Variants in RFX3 observed in about 807,000 individuals in gnomAD.
RFX3 encodes regulatory factor X3.
RFX3 carries 14 observed loss-of-function variants against 98.6 expected under a neutral mutation model. The observed-to-expected ratio is 0.14, with a 90% CI of 0.09 to 0.22. The LOEUF is 0.22. RFX3 is among the 10% of genes least tolerant of loss of function. The probability of loss-of-function intolerance (pLI) is 1.00; values close to 1 mark genes in which losing one functional copy is unlikely to be tolerated. For missense variants in RFX3, 639 were observed against 926.9 expected (o/e 0.69, Z 4.03); for synonymous variants, 383 against 328.4 (o/e 1.17, Z -1.80).
intron 3 of RFX3, among the ~76,000 whole-genome samples, chr9:3,340,411 A>T (rs1833739380): frequency 6.6e-6 from 1 of 152,228 alleles, no homozygotes; most frequent in African/African-American, 2.4e-5. Context: ...ATGGGATCTA[A>T]TAAAACCAAA....
chr9:3,319,234 A>G (rs1176920666), intron 4 of RFX3, among the ~76,000 whole-genome samples: 1 of 151,910 alleles, frequency 6.6e-6, no homozygotes, highest in East Asian at 1.9e-4. Context: ...TGGAAATGCA[A>G]GGGGCCCTTG....
chr9:3,451,916 AT>A (rs1331024007), intron 1 of RFX3, among the ~76,000 whole-genome samples: 2 of 151,760 alleles, frequency 1.3e-5, no homozygotes, highest in Non-Finnish European at 2.9e-5. Flanking sequence ...CCCTTAGTCA[AT>A]TTTGGAATTG....
At chr9:3,485,816 G>A (rs191466272) in intron 1 of RFX3, among the ~76,000 whole-genome samples, 2 of 152,104 alleles carry the variant, frequency 1.3e-5, no homozygotes, top group East Asian at 1.9e-4. Flanking sequence ...TTTAAACCTG[G>A]TAAAGACTTT....
At chr9:3,318,666 T>G (rs1006521242) in intron 4 of RFX3, among the ~76,000 whole-genome samples, 2 of 152,042 alleles carry the variant, frequency 1.3e-5, no homozygotes, top group African/African-American at 4.8e-5. Context: ...TTCAAATACA[T>G]GAAATCTTTT....
intron 15 of RFX3, among the ~76,000 whole-genome samples, chr9:3,238,555 G>A (rs1819490694): frequency 2.0e-5 from 3 of 152,106 alleles, no homozygotes; most frequent in Non-Finnish European, 2.9e-5. Context: ...GAAGAAATAG[G>A]CCCTTTAAAG....
chr9:3,226,574 G>C (rs1817799330), intron 16 of RFX3, among the ~76,000 whole-genome samples: 1 of 152,184 alleles, frequency 6.6e-6, no homozygotes. Flanking sequence ...AGTGCTCTTA[G>C]ATGAGGCAAA....
chr9:3,328,291 T>G (rs1367109774), intron 4 of RFX3, among the ~76,000 whole-genome samples: 2 of 152,216 alleles, frequency 1.3e-5, no homozygotes, highest in African/African-American at 4.8e-5. Flanking sequence ...ATCTCTTTTC[T>G]TTTTATGTTG....
chr9:3,315,115 T>A (rs906928499), intron 4 of RFX3, among the ~76,000 whole-genome samples: 1 of 152,142 alleles, frequency 6.6e-6, no homozygotes, highest in Non-Finnish European at 1.5e-5. Flanking sequence ...ATTGACCACA[T>A]AGTTGGAAGT....
chr9:3,486,341 C>T (rs1025668636), intron 1 of RFX3, among the ~76,000 whole-genome samples: 1 of 152,040 alleles, frequency 6.6e-6, no homozygotes, highest in African/African-American at 2.4e-5. Flanking sequence ...AGTTACGGCT[C>T]TCTTTAACAT....
At chr9:3,316,328 C>T (rs1340875779) in intron 4 of RFX3, among the ~76,000 whole-genome samples, 1 of 152,050 alleles carries the variant, frequency 6.6e-6, no homozygotes, top group African/African-American at 2.4e-5. Flanking sequence ...TTCAATGGCC[C>T]TTCATGCTAA....
chr9:3,356,072 A>ATG (rs1462827716), intron 2 of RFX3, among the ~76,000 whole-genome samples: 1 of 104,476 alleles, frequency 9.6e-6, no homozygotes, highest in African/African-American at 9.0e-5. Context: ...AAATATATAT[A>ATG]TTAGGGGGAA....
chr9:3,428,487 T>C (rs1844329446), intron 1 of RFX3, among the ~76,000 whole-genome samples: 1 of 152,232 alleles, frequency 6.6e-6, no homozygotes, highest in Non-Finnish European at 1.5e-5. Flanking sequence ...TTTCTTCCCA[T>C]ACTTTTCCTT....
At chr9:3,297,895 A>C (rs1366009869) in intron 5 of RFX3, among the ~76,000 whole-genome samples, 1 of 151,954 alleles carries the variant, frequency 6.6e-6, no homozygotes, top group Non-Finnish European at 1.5e-5. Context: ...TCTGAATTCA[A>C]ATTTACAATG....
At chr9:3,489,534 ATACT>A (rs1850568931) in intron 1 of RFX3, 2 of 362,462 alleles carry the variant, frequency 5.5e-6, no homozygotes, top group Non-Finnish European at 7.7e-6. Context: ...ACTCTACCAA[ATACT>A]TAATATCTAC....
intron 1 of RFX3, among the ~76,000 whole-genome samples, chr9:3,508,188 C>A (rs1817297402): frequency 6.6e-6 from 1 of 151,868 alleles, no homozygotes; most frequent in African/African-American, 2.4e-5. Context: ...GACATTAAGA[C>A]CACGTTCCAT....
rs1843707531 is a variant in RFX3 at position 3,423,977 on chromosome 9, C to T, written c.-8-28381G>A. ...CCCGGCTAACATGGTGAAACCCCGT[C>T]TGTACTAAAAATACAAAAAATTAGC... On this transcript the variant is annotated intron_variant, in intron 1 of 16. Transcript: ENST00000617270. 3.3e-5 allele frequency among the ~76,000 whole-genome samples: 5 copies of T among 151,630 alleles called. No individual in the cohort carries two copies. In the South Asian group the frequency reaches 1.0e-3, roughly 32 times the overall value.
In RFX3 at chr9:3,228,883, C is replaced by T. The variant is rs1231477212; in HGVS notation, c.1975G>A (p.Asp659Asn). Reference sequence around the variant, plus strand: ...TTTCCAGGAGACACGGCATTTAAATCACCAAACTGCAAAACAATAGTCATT... The same window carrying T: ...TTTCCAGGAGACACGGCATTTAAATTACCAAACTGCAAAACAATAGTCATT... ...TPIAVMGEFGDLNAVSPGNLD... is the reference protein window; with the variant it reads ...TPIAVMGEFGNLNAVSPGNLD... Residue 659 changes from aspartate (D) to asparagine (N), a missense_variant, in exon 16 of 17, where the codon GAT becomes AAT. By Grantham distance (23) the Asp-to-Asn change is conservative. This residue lies in a region of RFX3 where 129 missense variants were observed against 124.6 expected (regional missense o/e 1.04). Transcript: ENST00000617270. 1.2e-6 allele frequency: 2 copies of T among 1,610,766 alleles called. No homozygotes were observed. The highest frequency in any genetic ancestry group is 1.7e-5 in the Admixed American group (1 of 59,306).
At chr9:3,432,375 A>G (rs1244486093) in intron 1 of RFX3, among the ~76,000 whole-genome samples, 1 of 152,146 alleles carries the variant, frequency 6.6e-6, no homozygotes, top group Admixed American at 6.5e-5. Context: ...GATACTATGG[A>G]AGAGAACCCC....
chr9:3,453,047 C>G (rs994594655), intron 1 of RFX3, among the ~76,000 whole-genome samples: 1 of 152,122 alleles, frequency 6.6e-6, no homozygotes, highest in Non-Finnish European at 1.5e-5. Flanking sequence ...GCTTCTTCAT[C>G]TGCAAAACTG....
Sources: allele counts gnomAD v4.1 joint callset (sites outside exome capture counted in the v4.1 genomes callset), GRCh38; gene constraint gnomAD v4.1.1; regional missense constraint gnomAD v4.1.1; transcripts MANE v1.5; gene names NCBI Gene and HGNC (gene_info 2026-07-23, HGNC 2026-07-21).